Variants in NBEA observed in about 807,000 individuals in gnomAD.
NBEA encodes the protein neurobeachin, also known as lysosomal-trafficking regulator 2.
Under a neutral mutation model 343.4 loss-of-function variants are expected in NBEA, and 44 were observed. That is an observed-to-expected ratio of 0.13 (90% confidence interval 0.10 to 0.16). The LOEUF (loss-of-function observed/expected upper bound fraction) is 0.16, where lower values mean the gene tolerates loss of function less well. NBEA is among the 10% of genes least tolerant of loss of function. The probability of loss-of-function intolerance (pLI) is 1.00; values close to 1 mark genes in which losing one functional copy is unlikely to be tolerated. For synonymous variants in NBEA, 1,175 were observed against 1,238.7 expected, an observed-to-expected ratio of 0.95 and a Z score of 1.08; for missense variants, 2,555 against 3,631.3, an observed-to-expected ratio of 0.70 and a Z score of 7.62.
intron 58 of NBEA, among the ~76,000 whole-genome samples, chr13:35,669,710 G>A (rs776734912): frequency 2.6e-5 from 4 of 152,126 alleles, no homozygotes; most frequent in Non-Finnish European, 4.4e-5. Flanking sequence ...TTACTCGTTC[G>A]TGTATTCATT....
chr13:35,416,963 G>A (rs2043950363), intron 38 of NBEA, among the ~76,000 whole-genome samples: 1 of 152,022 alleles, frequency 6.6e-6, no homozygotes, highest in South Asian at 2.1e-4. Flanking sequence ...GTTTAGTCTT[G>A]GGAGGGTGTA....
At chr13:35,111,103 C>G (rs975400962) in intron 13 of NBEA, 125 bp downstream of exon 13, 5 of 719,190 alleles carry the variant, frequency 7.0e-6, no homozygotes, top group Admixed American at 8.1e-5. Context: ...ATATAGCAAA[C>G]TGGCATATTG....
At chr13:35,148,682 C>T (rs2068587070) in intron 18 of NBEA, among the ~76,000 whole-genome samples, 1 of 152,098 alleles carries the variant, frequency 6.6e-6, no homozygotes, top group African/African-American at 2.4e-5. Flanking sequence ...GTTTTCTTGT[C>T]CAGCTTTTTG....
At chr13:35,040,826 C>T (rs1301527363) in intron 1 of NBEA, 107 bp from the exon 2 acceptor site, 5 of 919,332 alleles carry the variant, frequency 5.4e-6, no homozygotes, top group Admixed American at 5.0e-5. Context: ...TACCAGAATC[C>T]TTGAAATTTT....
chr13:35,263,390 A>G lies in NBEA; in HGVS notation c.5777-26999A>G, dbSNP rs546825641. ...GAGAGATCATCCAGACAGAAAATCA[A>G]TAAGGAAACATTGGACTTAAACTGT... On this transcript the variant is annotated intron_variant, in intron 34 of 58. Transcript: ENST00000379939. 6.9e-4 allele frequency among the ~76,000 whole-genome samples: 105 copies of G among 152,286 alleles called. No individual in the cohort carries two copies. In the South Asian group the frequency reaches 0.019, roughly 28 times the overall value.
intron 38 of NBEA, among the ~76,000 whole-genome samples, chr13:35,380,240 C>T (rs1594417405): frequency 7.3e-6 from 1 of 137,922 alleles, no homozygotes; most frequent in East Asian, 2.2e-4. Context: ...AGGTCAGGAG[C>T]TCAAGACCAG....
chr13:35,099,746 T>C (rs1348250120), intron 11 of NBEA, among the ~76,000 whole-genome samples: 1 of 152,162 alleles, frequency 6.6e-6, no homozygotes, highest in African/African-American at 2.4e-5. Flanking sequence ...TTTTCCCATT[T>C]TGTGTCATTT....
intron 41 of NBEA, among the ~76,000 whole-genome samples, chr13:35,485,455 C>T (rs748378510): frequency 9.9e-5 from 15 of 152,060 alleles, no homozygotes; most frequent in Admixed American, 3.9e-4. Context: ...TAGAGGCAAC[C>T]TGCTAATTAT....
intron 23 of NBEA, 65 bp downstream of exon 23, chr13:35,162,032 T>G: frequency 1.4e-6 from 2 of 1,398,616 alleles, no homozygotes; most frequent in Non-Finnish European, 1.9e-6. Context: ...CCTATTCTAT[T>G]TGGTTTTGAC....
At chr13:35,539,031 C>A (rs551338503) in intron 41 of NBEA, among the ~76,000 whole-genome samples, 3 of 152,182 alleles carry the variant, frequency 2.0e-5, no homozygotes, top group Non-Finnish European at 2.9e-5. Context: ...ATTAATAATT[C>A]TTTTGCATAT....
chr13:35,283,620 A>T (rs557276678), intron 34 of NBEA, among the ~76,000 whole-genome samples: 1 of 152,332 alleles, frequency 6.6e-6, no homozygotes, highest in African/African-American at 2.4e-5. Context: ...GATCAAAGAA[A>T]GGTAATAAGT....
At chr13:35,545,669 G>A (rs556762059) in intron 41 of NBEA, among the ~76,000 whole-genome samples, 6 of 152,216 alleles carry the variant, frequency 3.9e-5, no homozygotes, top group Non-Finnish European at 7.4e-5. Flanking sequence ...TGTGAGAGGC[G>A]TAAGTCCATA....
intron 16 of NBEA, among the ~76,000 whole-genome samples, chr13:35,120,775 A>G (rs949503833): frequency 7.7e-6 from 1 of 129,418 alleles, no homozygotes; most frequent in Non-Finnish European, 1.5e-5. Context: ...TACCTCTCTT[A>G]TATAGCTTAG....
intron 10 of NBEA, among the ~76,000 whole-genome samples, chr13:35,072,642 A>G (rs1430494003): frequency 6.6e-6 from 1 of 151,990 alleles, no homozygotes; most frequent in Non-Finnish European, 1.5e-5. Flanking sequence ...GCTCACTGCA[A>G]CCTCTGCTTC....
chr13:35,411,212 G>C (rs2043562479), intron 38 of NBEA, among the ~76,000 whole-genome samples: 1 of 152,108 alleles, frequency 6.6e-6, no homozygotes, highest in African/African-American at 2.4e-5. Flanking sequence ...TCTGTTGAAA[G>C]CTCTGCTCTC....
intron 31 of NBEA, among the ~76,000 whole-genome samples, chr13:35,201,736 A>G (rs1393958565): frequency 6.6e-6 from 1 of 152,076 alleles, no homozygotes; most frequent in Admixed American, 6.6e-5. Context: ...TTTAAATGAA[A>G]TGGGCTTATT....
chr13:35,024,295 G>A (rs759914691), intron 1 of NBEA, among the ~76,000 whole-genome samples: 5 of 152,152 alleles, frequency 3.3e-5, no homozygotes, highest in Non-Finnish European at 7.3e-5. Flanking sequence ...GTGCTGCGAT[G>A]AACATACAAG....
intron 36 of NBEA, among the ~76,000 whole-genome samples, chr13:35,333,531 A>C (rs866681124): frequency 2.0e-5 from 3 of 152,214 alleles, no homozygotes; most frequent in Middle Eastern, 3.4e-3. Context: ...TTTATCCTTT[A>C]TGTTACAAAC....
intron 41 of NBEA, among the ~76,000 whole-genome samples, chr13:35,482,912 G>A (rs1043205345): frequency 3.3e-5 from 5 of 151,456 alleles, no homozygotes; most frequent in African/African-American, 1.2e-4. Flanking sequence ...TTTTTATTTG[G>A]AAATTTTATG....
Sources: gnomAD v4.1 joint callset for allele counts (sites outside exome capture counted in the v4.1 genomes callset) on GRCh38, gnomAD v4.1.1 for gene constraint, MANE v1.5 for transcripts, NCBI Gene and HGNC (gene_info 2026-07-23, HGNC 2026-07-21) for gene names.